The following CENPM variants were observed in gnomAD, a reference collection of about 807,000 sequenced individuals.
CENPM encodes the protein interphase centromere complex protein 39.
CENPM carries 14 observed loss-of-function variants against 19.6 expected under a neutral mutation model. That is an observed-to-expected ratio of 0.71 (90% CI 0.47 to 1.11). The LOEUF (loss-of-function observed/expected upper bound fraction) is 1.11, where lower values mean the gene tolerates loss of function less well. CENPM is among the 50% of genes most tolerant of loss of function. The probability of loss-of-function intolerance (pLI) is 0.00; values close to 1 mark genes in which losing one functional copy is unlikely to be tolerated. For missense variants in CENPM, 239 were observed against 228.4 expected (o/e 1.05, Z -0.30); for synonymous variants, 114 against 101.5 (o/e 1.12, Z -0.74).
At chr22:41,939,868 GAAAGAAAGAAAAAGAAAGAA>G (rs1569425890) in intron 5 of CENPM, among the ~76,000 whole-genome samples, 1 of 9,296 alleles carries the variant, frequency 1.1e-4, no homozygotes, top group African/African-American at 4.9e-4. Context: ...AAGAAAGAAA[GAAAGAAAGAAAAAGAAAGAA>G]AGAAAGAAAG....
At position 41,945,439 on chromosome 22, in the gene CENPM, G is replaced by A; in HGVS notation, c.231-135C>T. On this transcript the variant is annotated intron_variant, in intron 3 of 5. Transcript: ENST00000215980. Reference sequence around the variant, plus strand: ...GGTGACTTTCTCTGGAGAAATATTTGTCCTTTAATTTTTTTTTTTTTTTTT... The same window carrying A: ...GGTGACTTTCTCTGGAGAAATATTTATCCTTTAATTTTTTTTTTTTTTTTT... 3.0e-6 allele frequency: 4 copies of A among 1,342,288 alleles called. No homozygotes were observed. In the East Asian group the frequency reaches 1.1e-4, roughly 36 times the overall value. 83.1% of individuals were successfully genotyped at this position (1,342,288 alleles called of 1,614,324 possible). A position where few individuals can be genotyped will look rare whatever the true frequency, so the allele number is the denominator to read the frequency against.
chr22:41,929,104 T>G, the CENPM span, among the ~76,000 whole-genome samples: 1 of 108,310 alleles, frequency 9.2e-6, no homozygotes, highest in Non-Finnish European at 1.9e-5. Flanking sequence ...CGTGGGTGTA[T>G]GGTGATGTGG....
chr22:41,946,903 G>GC, intron 1 of CENPM, 117 bp downstream of exon 1: 3 of 1,041,362 alleles, frequency 2.9e-6, no homozygotes, highest in Non-Finnish European at 4.4e-6. Context: ...CCTATTCCCC[G>GC]CCCCCGCCAC....
rs371472695 is a variant in CENPM, at chr22:41,946,976, C to T, written c.57+44G>A. On this transcript the variant is annotated intron_variant, in intron 1 of 5. Transcript: ENST00000215980. The stretch of plus-strand genomic sequence containing the variant: ...TTGACCTAGTGGCTGAAGCACCGCC[C>T]AGGAGGAAAAACCGGCGGGGGAAGC... The T allele has an allele frequency of 4.6e-4, 741 of 1,603,044 alleles. 1 individual carries two copies. The highest frequency in any genetic ancestry group is 5.6e-4 in the South Asian group (51 of 90,860).
chr22:41,931,784 G>T, the CENPM span, among the ~76,000 whole-genome samples: 1 of 152,208 alleles, frequency 6.6e-6, no homozygotes, highest in Non-Finnish European at 1.5e-5. Flanking sequence ...CTGGGGATGG[G>T]ACAAGCACAG....
At chr22:41,946,943 G>C in intron 1 of CENPM, 77 bp downstream of exon 1, 1 of 1,457,420 alleles carries the variant, frequency 6.9e-7, no homozygotes, top group South Asian at 1.1e-5. Context: ...GCGCCTCAGA[G>C]AGCTCAGTTG....
the CENPM span, among the ~76,000 whole-genome samples, chr22:41,932,967 C>T: frequency 6.6e-6 from 1 of 152,118 alleles, no homozygotes; most frequent in African/African-American, 2.4e-5. This position sits in a 1 kb window ranked among gnomAD's most constrained non-coding sequence, Gnocchi z 4.3. Flanking sequence ...CCAAATGGGA[C>T]ACAACGTAGT....
downstream of CENPM, among the ~76,000 whole-genome samples, chr22:41,936,904 G>C (rs1400037931): frequency 6.6e-6 from 1 of 152,056 alleles, no homozygotes; most frequent in Admixed American, 6.6e-5. Context: ...TCCAGCCTGG[G>C]CGACAGAGCA....
At chr22:41,941,319 C>G (rs1393084841) in intron 5 of CENPM, among the ~76,000 whole-genome samples, 1 of 152,236 alleles carries the variant, frequency 6.6e-6, no homozygotes, top group African/African-American at 2.4e-5. Context: ...AGTTCAAACC[C>G]TGGGTGCTCC....
intron 3 of CENPM, 144 bp from the exon 4 acceptor site, chr22:41,945,448 T>TTTTTTA: frequency 6.2e-6 from 1 of 161,436 alleles, no homozygotes; most frequent in South Asian, 2.0e-4. Flanking sequence ...TGTCCTTTAA[T>TTTTTTA]TTTTTTTTTT....
At chr22:41,936,716 G>A (rs2077685460), downstream of CENPM, among the ~76,000 whole-genome samples, 1 of 152,316 alleles carries the variant, frequency 6.6e-6, no homozygotes, top group Middle Eastern at 3.4e-3. Context: ...ATCACGTGAG[G>A]TCAGGAGTTT....
chr22:41,936,295 T>C (rs2077683504), downstream of CENPM, among the ~76,000 whole-genome samples: 1 of 152,212 alleles, frequency 6.6e-6, no homozygotes, highest in African/African-American at 2.4e-5. Context: ...GTCTGTTTCA[T>C]GAACTGTGAA....
At chr22:41,932,360 A>G in the CENPM span, among the ~76,000 whole-genome samples, 1 of 152,210 alleles carries the variant, frequency 6.6e-6, no homozygotes, top group Non-Finnish European at 1.5e-5. The surrounding 1 kb of genome is among the most constrained non-coding windows in gnomAD (Gnocchi z 4.3). Flanking sequence ...CCACGGAATC[A>G]GCACAAAGTC....
chr22:41,935,659 G>A (rs529669205), downstream of CENPM, among the ~76,000 whole-genome samples: 4 of 152,312 alleles, frequency 2.6e-5, 1 homozygote, highest in South Asian at 8.3e-4. Context: ...GCGAAGGCCT[G>A]CTCAGGCCCA....
intron 2 of CENPM, 82 bp downstream of exon 2, chr22:41,946,334 TG>T: frequency 1.7e-6 from 2 of 1,200,306 alleles, no homozygotes; most frequent in South Asian, 2.7e-5. Context: ...GAGGGGGCGC[TG>T]GGCTTCGGAG....
chr22:41,937,650 T>TG (rs1324654123), downstream of CENPM, among the ~76,000 whole-genome samples: 13 of 152,208 alleles, frequency 8.5e-5, no homozygotes, highest in South Asian at 2.1e-4. Context: ...CTCGCAGGCA[T>TG]GGGGGGTCAC....
chr22:41,929,764 C>T, the CENPM span, among the ~76,000 whole-genome samples: 3 of 149,968 alleles, frequency 2.0e-5, no homozygotes, highest in Admixed American at 6.6e-5. Context: ...TGTGCAGGTG[C>T]CTGGCCTCAC....
chr22:41,933,947 C>G (rs114638904), downstream of CENPM, among the ~76,000 whole-genome samples: 2,672 of 152,340 alleles, frequency 0.018, 89 homozygotes, highest in African/African-American at 0.06. Flanking sequence ...GGTGGAAGGG[C>G]TGGCATGGAG....
the CENPM span, among the ~76,000 whole-genome samples, chr22:41,929,055 T>C: frequency 7.2e-6 from 1 of 139,074 alleles, no homozygotes; most frequent in South Asian, 2.3e-4. Context: ...GGAGGGGAGC[T>C]GCAAAGGAGA....
Sources: gnomAD v4.1 joint callset for allele counts (sites outside exome capture counted in the v4.1 genomes callset) on GRCh38, gnomAD v4.1.1 for gene constraint, Gnocchi (gnomAD v3.1) non-coding constraint, MANE v1.5 for transcripts, NCBI Gene and HGNC (gene_info 2026-07-23, HGNC 2026-07-21) for gene names.